The following MIDEAS variants were observed in gnomAD, a reference collection of about 807,000 sequenced individuals.
MIDEAS encodes the protein mitotic deacetylase associated SANT domain protein, also known as mitotic deacetylase-associated SANT domain protein.
MIDEAS carries 26 observed loss-of-function variants against 102.7 expected under a neutral mutation model. That is an observed-to-expected ratio of 0.25 (90% CI 0.19 to 0.35). The LOEUF (loss-of-function observed/expected upper bound fraction) is 0.35. MIDEAS is among the 10% of genes least tolerant of loss of function. The probability of loss-of-function intolerance (pLI) is 1.00; values close to 1 mark genes in which losing one functional copy is unlikely to be tolerated. For missense variants in MIDEAS, 1,231 were observed against 1,435.6 expected (o/e 0.86, Z 2.30); for synonymous variants, 585 against 591.0 (o/e 0.99, Z 0.15).
intron 1 of MIDEAS, among the ~76,000 whole-genome samples, chr14:73,771,043 A>C (rs6574142): frequency 0.76 from 114,720 of 151,936 alleles, 44,102 homozygotes; most frequent in East Asian, 0.9. Flanking sequence ...AGAGACAGTC[A>C]CCAGCCCCAC....
In MIDEAS at chr14:73,725,231, G is replaced by T; in HGVS notation, c.2574+41C>A. On this transcript the variant is annotated intron_variant, in intron 9 of 12. Transcript: ENST00000423556. This position sits in a 1 kb window ranked among gnomAD's most constrained non-coding sequence, Gnocchi z 4.1. ...AGGGAGCCCCAAAGTCACACAGGCA[G>T]CTCCTGGCCCTCATTTGCCCTGAAA... 1 of 1,552,912 alleles carries T rather than the reference G, an allele frequency of 6.4e-7. No homozygotes were observed. The highest frequency in any genetic ancestry group is 8.9e-7 in the Non-Finnish European group (1 of 1,124,426).
chr14:73,771,974 G>A (rs2053646147), intron 1 of MIDEAS, among the ~76,000 whole-genome samples: 1 of 152,230 alleles, frequency 6.6e-6, no homozygotes, highest in South Asian at 2.1e-4. Context: ...CAGCCCAGAG[G>A]TGAGTGGGCG....
intron 1 of MIDEAS, among the ~76,000 whole-genome samples, chr14:73,777,185 A>G (rs1216679744): frequency 6.6e-6 from 1 of 151,938 alleles, no homozygotes; most frequent in Non-Finnish European, 1.5e-5. Context: ...GTGGCACAAA[A>G]AAGTGGGGAG....
upstream of MIDEAS, among the ~76,000 whole-genome samples, chr14:73,762,360 G>A (rs1269991716): frequency 2.6e-5 from 4 of 152,256 alleles, no homozygotes; most frequent in African/African-American, 9.6e-5. Flanking sequence ...GTGGAGGCAG[G>A]TGGCAGGGGA....
Position 73,740,084 on chromosome 14 carries a change from A to C in MIDEAS, c.-76T>G. 1.4e-6 allele frequency: 2 copies of C among 1,409,104 alleles called. No homozygotes were observed. The highest frequency in any genetic ancestry group is 1.8e-6 in the Non-Finnish European group (2 of 1,081,716). 87.3% of individuals were successfully genotyped at this position (1,409,104 alleles called of 1,614,324 possible). On this transcript the variant is annotated 5_prime_UTR_variant, in exon 2 of 13. Transcript: ENST00000423556. The stretch of plus-strand genomic sequence containing the variant: ...TCCCCTGGGGAAACGTCCTGCTGGA[A>C]GCCGGGCTCTAGTCCAGGAGCCAGG...
chr14:73,784,390 C>T (rs955503780), intron 1 of MIDEAS, among the ~76,000 whole-genome samples: 2 of 152,260 alleles, frequency 1.3e-5, no homozygotes, highest in Non-Finnish European at 2.9e-5. Flanking sequence ...CAAAAATCTG[C>T]CATTGGGAAC....
Position 73,759,407 on chromosome 14 carries a change from T to TGGGGAGGGCTTTCCTGGC in MIDEAS, c.-248+338_-248+355dup, listed in dbSNP as rs1245805216. Among the ~76,000 whole-genome samples the TGGGGAGGGCTTTCCTGGC allele has an allele frequency of 1.3e-5, 2 of 151,018 alleles. No homozygotes were observed. Among genetic ancestry groups the TGGGGAGGGCTTTCCTGGC allele is most frequent in the East Asian group, 4.0e-4 (2 of 5,032 alleles). The stretch of plus-strand genomic sequence containing the variant: ...TCCCGAGCCGCCGCGGGCCGCCGGG[T>TGGGGAGGGCTTTCCTGGC]GGGGAGGGCTTTCCTGGCGGGGCCG... On this transcript the variant is annotated intron_variant, in intron 1 of 12. Coordinates refer to ENST00000423556, the MANE Select transcript of MIDEAS (RefSeq NM_001367710.1). This position sits in a 1 kb window ranked among gnomAD's most constrained non-coding sequence, Gnocchi z 6.7.
chr14:73,726,286 A>G (rs966931495), intron 7 of MIDEAS, among the ~76,000 whole-genome samples, 178 bp from the exon 8 acceptor site: 1 of 151,984 alleles, frequency 6.6e-6, no homozygotes, highest in African/African-American at 2.4e-5. Flanking sequence ...CTGCCCAGAA[A>G]ACAGACCTCA....
Position 73,729,861 on chromosome 14 carries a change from G to A in MIDEAS, c.1874C>T (p.Ser625Phe). ...AGTFIAPPVY[S>F]NITPYQSHLR... ...GTGGCTCTGGTATGGGGTGATGTTGGAGTAGACGGGAGGGGCGATGAAAGT... is the reference window on the plus strand; with the variant it reads ...GTGGCTCTGGTATGGGGTGATGTTGAAGTAGACGGGAGGGGCGATGAAAGT... The change falls in exon 4 of 13, where the codon TCC (serine) becomes TTC (phenylalanine). Residue 625 changes from serine (S) to phenylalanine (F), a missense_variant. Transcript: ENST00000423556. 1.9e-6 allele frequency: 3 copies of A among 1,613,964 alleles called. No homozygotes were observed. The highest frequency in any genetic ancestry group is 2.5e-6 in the Non-Finnish European group (3 of 1,179,956).
upstream of MIDEAS, chr14:73,760,446 G>C (rs1045618907): frequency 6.6e-6 from 1 of 152,326 alleles, no homozygotes; most frequent in African/African-American, 2.4e-5. The surrounding 1 kb of genome is among the most constrained non-coding windows in gnomAD (Gnocchi z 4.8). Flanking sequence ...CTCACGAGTC[G>C]GTCGCCGTCC....
Position 73,739,390 on chromosome 14 carries a change from G to A in MIDEAS, c.619C>T (p.Pro207Ser), listed in dbSNP as rs773593769. ...PLNSFHAAKK[P>S]PNQSLPLQPF... is the part of the protein sequence containing the mutation. ...TGCAGGGGCAGTGACTGGTTTGGGGGTTTCTTGGCTGCGTGGAAAGAATTC... is the reference window on the plus strand; with the variant it reads ...TGCAGGGGCAGTGACTGGTTTGGGGATTTCTTGGCTGCGTGGAAAGAATTC... The change falls in exon 2 of 13, where the codon CCC (proline) becomes TCC (serine). Residue 207 changes from proline to serine, a missense_variant. Pro to Ser is a moderately conservative substitution (Grantham distance 74). This residue lies in a region of MIDEAS where 758 missense variants were observed against 856.0 expected (regional missense o/e 0.89). Coordinates refer to ENST00000423556, the MANE Select transcript of MIDEAS (RefSeq NM_001367710.1). 7 of 1,583,512 alleles carry A rather than the reference G, an allele frequency of 4.4e-6. No individual in the cohort carries two copies. Among genetic ancestry groups the A allele is most frequent in the Middle Eastern group, 1.7e-4 (1 of 5,924 alleles).
In MIDEAS at chr14:73,715,563, A is replaced by T. The variant is rs1197597429; in HGVS notation, c.*3280T>A. 6.6e-6 allele frequency: 1 copy of T among 152,482 alleles called. No homozygotes were observed. The highest frequency in any genetic ancestry group is 2.4e-5 in the African/African-American group (1 of 41,466). The allele number at this position is 152,482 out of a possible 1,614,324, so 9.4% of individuals were successfully genotyped here. A position where few individuals can be genotyped will look rare whatever the true frequency, so the allele number is the denominator to read the frequency against. ...AGTGAAACAGCTGCAAATTGTTAGAAGCAAATATTAACATAGCAAAATGTG... is the reference window on the plus strand; with the variant it reads ...AGTGAAACAGCTGCAAATTGTTAGATGCAAATATTAACATAGCAAAATGTG... On this transcript the variant is annotated 3_prime_UTR_variant, in exon 13 of 13. Transcript: ENST00000423556.
chr14:73,754,758 G>C (rs996730201), intron 1 of MIDEAS: 3 of 152,154 alleles, frequency 2.0e-5, no homozygotes, highest in African/African-American at 7.2e-5. Context: ...ATGCCGTCTC[G>C]GGGTTGCAAG....
upstream of MIDEAS, chr14:73,787,375 TAGC>T (rs2053825554): frequency 6.6e-6 from 1 of 151,446 alleles, no homozygotes; most frequent in African/African-American, 2.4e-5. Flanking sequence ...GGCTGCGGGG[TAGC>T]GGGCAGCCCT....
At chr14:73,722,548 G>A (rs572291466) in intron 10 of MIDEAS, 150 bp downstream of exon 10, 28 of 799,612 alleles carry the variant, frequency 3.5e-5, no homozygotes, top group African/African-American at 1.0e-4. Context: ...AGAACCCAGC[G>A]GTCCAGGGCT....
In MIDEAS at chr14:73,715,236, AT is replaced by A. The variant is rs1465706707; in HGVS notation, c.*3606del. 1.2e-4 allele frequency: 18 copies of A among 152,728 alleles called. No individual in the cohort carries two copies. Among genetic ancestry groups the A allele is most frequent in the African/African-American group, 4.3e-4 (18 of 41,558 alleles). 9.5% of individuals were successfully genotyped at this position (152,728 alleles called of 1,614,324 possible). On this transcript the variant is annotated 3_prime_UTR_variant, in exon 13 of 13. Coordinates refer to ENST00000423556, the MANE Select transcript of MIDEAS (RefSeq NM_001367710.1). Reference sequence around the variant, plus strand: ...ATCAGCAAGATTCTTTAGTGTATTAATTTTTTTCTTATAAAAAGCACACAAA... The same window carrying A: ...ATCAGCAAGATTCTTTAGTGTATTAATTTTTTCTTATAAAAAGCACACAAA...
chr14:73,733,660 G>A (rs1184503376), intron 3 of MIDEAS, among the ~76,000 whole-genome samples: 1 of 152,162 alleles, frequency 6.6e-6, no homozygotes, highest in African/African-American at 2.4e-5. Flanking sequence ...AGAGCTAAAA[G>A]TACTAACAGA....
At chr14:73,779,332 T>A (rs2053723730) in intron 1 of MIDEAS, among the ~76,000 whole-genome samples, 1 of 147,882 alleles carries the variant, frequency 6.8e-6, no homozygotes, top group African/African-American at 2.5e-5. Context: ...GAGACGGAGG[T>A]TGCAGTGAGC....
At position 73,738,599 on chromosome 14, in the gene MIDEAS, G is replaced by C; in HGVS notation, c.1410C>G (p.Ala470=). 5 of 1,605,920 alleles carry C rather than the reference G, an allele frequency of 3.1e-6. No individual in the cohort carries two copies. Among genetic ancestry groups the C allele is most frequent in the Non-Finnish European group, 4.3e-6 (5 of 1,175,620 alleles). The stretch of plus-strand genomic sequence containing the variant: ...GTGAGGCCAGCTCCACAGCCTTCTG[G>C]GCCAGGGTCAGCAAATTGGCCTCCT... ...ASQEANLLTL[A]QKAVELASLQ... Residue 470 remains alanine (A), a synonymous_variant, in exon 2 of 13, where the codon GCC becomes GCG. Coordinates refer to ENST00000423556, the MANE Select transcript of MIDEAS (RefSeq NM_001367710.1).
Sources: allele counts gnomAD v4.1 joint callset (sites outside exome capture counted in the v4.1 genomes callset), GRCh38; gene constraint gnomAD v4.1.1; regional missense constraint gnomAD v4.1.1; non-coding constraint Gnocchi (gnomAD v3.1); transcripts MANE v1.5; gene names NCBI Gene and HGNC (gene_info 2026-07-23, HGNC 2026-07-21).